Variants in MCF2L2 observed in about 807,000 individuals in gnomAD.
MCF2L2 encodes probable guanine nucleotide exchange factor MCF2L2.
A neutral mutation model predicts 150.2 loss-of-function variants in MCF2L2; 102 were observed. The observed-to-expected ratio is 0.68, with a 90% CI of 0.58 to 0.80. MCF2L2 has a LOEUF of 0.80. Among genes scored for constraint, MCF2L2 ranks in the 30% least tolerant of loss-of-function variants. The pLI is 0.00. For synonymous variants in MCF2L2, 465 were observed against 491.3 expected, an observed-to-expected ratio of 0.95 and a Z score of 0.71; for missense variants, 1,256 against 1,372.8, an observed-to-expected ratio of 0.91 and a Z score of 1.34.
chr3:183,362,402 C>T (rs1359117844), intron 3 of MCF2L2, among the ~76,000 whole-genome samples: 1 of 152,066 alleles, frequency 6.6e-6, no homozygotes, highest in Non-Finnish European at 1.5e-5. Context: ...CACACCCAGC[C>T]TCTTGTCTCA....
chr3:183,325,142 A>G (rs986548679), intron 5 of MCF2L2, among the ~76,000 whole-genome samples: 11 of 148,646 alleles, frequency 7.4e-5, no homozygotes, highest in Non-Finnish European at 8.9e-5. Context: ...GGGGAGGGAT[A>G]GCATTAGGAG....
Position 183,271,011 on chromosome 3 carries a change from T to C in MCF2L2, c.1862+5861A>G, listed in dbSNP as rs547996415. The C allele has an allele frequency of 1.3e-5, 18 of 1,338,490 alleles. No individual in the cohort carries two copies. In the South Asian group the frequency reaches 2.2e-4, roughly 17 times the overall value. The allele number at this position is 1,338,490 out of a possible 1,614,324, so 82.9% of individuals were successfully genotyped here. The stretch of plus-strand genomic sequence containing the variant: ...AAAAAAACCTTTAAATGTTCGTCTA[T>C]ACCCTAAGTAAAATGAGGACGAAAG... On this transcript the variant is annotated intron_variant, in intron 15 of 29. Transcript: ENST00000328913.
intron 24 of MCF2L2, 30 bp from the exon 25 acceptor site, chr3:183,205,984 G>A: frequency 1.3e-6 from 2 of 1,591,844 alleles, no homozygotes; most frequent in Non-Finnish European, 1.7e-6. Flanking sequence ...AACACTATAA[G>A]ACTACCATGA....
chr3:183,206,535 T>C (rs1337503835), intron 23 of MCF2L2, among the ~76,000 whole-genome samples: 1 of 152,204 alleles, frequency 6.6e-6, no homozygotes, highest in Admixed American at 6.5e-5. Flanking sequence ...TTCTACGTAA[T>C]AGTAACTGAA....
intron 15 of MCF2L2, chr3:183,253,524 T>A (rs1315571242): frequency 9.2e-5 from 14 of 152,330 alleles, no homozygotes; most frequent in Admixed American, 7.2e-4. Context: ...TCTTCTCGTA[T>A]TTTAGAAACG....
intron 19 of MCF2L2, among the ~76,000 whole-genome samples, chr3:183,223,647 T>C (rs1723241277): frequency 6.6e-6 from 1 of 152,198 alleles, no homozygotes; most frequent in Non-Finnish European, 1.5e-5. Flanking sequence ...GCTCGGCTAA[T>C]ATTTTTACAG....
Position 183,268,511 on chromosome 3 carries a change from G to C in MCF2L2, c.1862+8361C>G, listed in dbSNP as rs555650683. Among the ~76,000 whole-genome samples, 4 of 152,140 alleles carry C rather than the reference G, an allele frequency of 2.6e-5. No homozygotes were observed. In the East Asian group the frequency reaches 7.7e-4, roughly 29 times the overall value. The stretch of plus-strand genomic sequence containing the variant: ...TTAAATAATGGAAGTGGAGAAAATG[G>C]GGGGGGCGGTTCCAGATTTCAGGCA... On this transcript the variant is annotated intron_variant, in intron 15 of 29. Coordinates refer to ENST00000328913, the MANE Select transcript of MCF2L2 (RefSeq NM_015078.4).
chr3:183,380,260 G>T (rs919785885), intron 2 of MCF2L2, among the ~76,000 whole-genome samples: 4 of 152,138 alleles, frequency 2.6e-5, no homozygotes, highest in African/African-American at 9.7e-5. Context: ...AAACTGTGTC[G>T]CAGGTAAGCA....
intron 3 of MCF2L2, among the ~76,000 whole-genome samples, chr3:183,360,918 G>T (rs1447871156): frequency 6.7e-6 from 1 of 148,582 alleles, no homozygotes; most frequent in East Asian, 2.0e-4. Flanking sequence ...GCAGTGAGCT[G>T]AGATAGCACC....
At chr3:183,423,893 A>AT (rs1716025113) in intron 1 of MCF2L2, among the ~76,000 whole-genome samples, 1 of 151,714 alleles carries the variant, frequency 6.6e-6, no homozygotes, top group Admixed American at 6.6e-5. Context: ...AAGTGCTGGG[A>AT]TTACAGGTGT....
At chr3:183,356,381 C>A (rs1711784947) in intron 3 of MCF2L2, among the ~76,000 whole-genome samples, 1 of 152,046 alleles carries the variant, frequency 6.6e-6, no homozygotes, top group Non-Finnish European at 1.5e-5. Context: ...GGCGTGGTGG[C>A]ATGCACCTGT....
At chr3:183,262,214 T>A (rs1725670211) in intron 15 of MCF2L2, among the ~76,000 whole-genome samples, 1 of 150,704 alleles carries the variant, frequency 6.6e-6, no homozygotes, top group South Asian at 2.1e-4. Flanking sequence ...TGTTTTATGA[T>A]ACTTTATTAT....
chr3:183,335,877 C>T (rs1730458987), intron 5 of MCF2L2, among the ~76,000 whole-genome samples: 1 of 152,062 alleles, frequency 6.6e-6, no homozygotes, highest in African/African-American at 2.4e-5. Flanking sequence ...CAAAACAAAA[C>T]AAAACATAAA....
chr3:183,390,760 G>T (rs1714095581), intron 1 of MCF2L2, among the ~76,000 whole-genome samples: 1 of 152,162 alleles, frequency 6.6e-6, no homozygotes, highest in East Asian at 1.9e-4. Context: ...AGCCAAGCAT[G>T]GTGATGTATG....
chr3:183,375,532 A>G (rs1160504775), intron 3 of MCF2L2: 1 of 152,188 alleles, frequency 6.6e-6, no homozygotes, highest in Non-Finnish European at 1.5e-5. Flanking sequence ...GGTCTGAGAC[A>G]TCGTCTTGAG....
intron 23 of MCF2L2, among the ~76,000 whole-genome samples, chr3:183,207,181 T>G (rs184615305): frequency 6.6e-6 from 1 of 152,124 alleles, no homozygotes; most frequent in African/African-American, 2.4e-5. Context: ...AAAACAATGC[T>G]TGGTGTGGGC....
At position 183,420,294 on chromosome 3, in the gene MCF2L2, T is replaced by A. The variant is rs552944486; in HGVS notation, c.76+7608A>T. 2.3e-4 allele frequency among the ~76,000 whole-genome samples: 35 copies of A among 152,264 alleles called. No individual in the cohort carries two copies. In the South Asian group the frequency reaches 2.9e-3, roughly 13 times the overall value. ...TACCAATTCTCTGTATTAGTCTGTT[T>A]CCACACTGCTATAAAGATACAACCT... On this transcript the variant is annotated intron_variant, in intron 1 of 29. Transcript: ENST00000328913.
chr3:183,207,467 T>C (rs954421063), intron 23 of MCF2L2, 141 bp downstream of exon 23: 9 of 660,020 alleles, frequency 1.4e-5, no homozygotes, highest in Non-Finnish European at 2.1e-5. Context: ...GACCCGGCTA[T>C]GGATTCTAGC....
At chr3:183,308,665 C>T (rs1729218842) in intron 10 of MCF2L2, among the ~76,000 whole-genome samples, 1 of 152,172 alleles carries the variant, frequency 6.6e-6, no homozygotes, top group African/African-American at 2.4e-5. Context: ...TCAGTGTGGC[C>T]TTGGTATACT....
Sources: gnomAD v4.1 joint callset for allele counts (sites outside exome capture counted in the v4.1 genomes callset) on GRCh38, gnomAD v4.1.1 for gene constraint, MANE v1.5 for transcripts, NCBI Gene and HGNC (gene_info 2026-07-23, HGNC 2026-07-21) for gene names.